The following ASIC2 variants were observed in gnomAD, a reference collection of about 807,000 sequenced individuals.
The protein encoded by ASIC2 is acid sensing ion channel subunit 2.
ASIC2 carries 25 observed loss-of-function variants against 57.3 expected under a neutral mutation model. The ratio of observed to expected loss-of-function variants is 0.44; its 90% CI spans 0.32 to 0.61. ASIC2 has a LOEUF of 0.61. Among genes scored for constraint, ASIC2 ranks in the 20% least tolerant of loss-of-function variants. The pLI is 0.06. For missense variants in ASIC2, 641 were observed against 738.1 expected (o/e 0.87, Z 1.52); for synonymous variants, 319 against 307.5 (o/e 1.04, Z -0.39).
chr17:33,174,284 G>A (rs1374205302), intron 1 of ASIC2, among the ~76,000 whole-genome samples: 1 of 152,014 alleles, frequency 6.6e-6, no homozygotes, highest in Non-Finnish European at 1.5e-5. Context: ...AGCCAGGTGT[G>A]GTGGTGCGTG....
Position 33,266,536 on chromosome 17 carries a change from C to T in ASIC2, c.708+24872G>A, listed in dbSNP as rs368185751. ...TTCTTCTTCTTCAGGAGCTACCTTC[C>T]CATCCCCACCCCCCACCCCCAGTTG... On this transcript the variant is annotated intron_variant, in intron 1 of 9. Coordinates refer to ENST00000225823, the MANE Select transcript of ASIC2 (RefSeq NM_183377.2). Among the ~76,000 whole-genome samples the T allele has an allele frequency of 2.1e-5, 3 of 143,700 alleles. No individual in the cohort carries two copies. In the South Asian group the frequency reaches 7.4e-4, roughly 35 times the overall value. The allele number at this position is 143,700 out of a possible 152,430, so 94.3% of individuals were successfully genotyped here. A position where few individuals can be genotyped will look rare whatever the true frequency, so the allele number is the denominator to read the frequency against.
intron 1 of ASIC2, among the ~76,000 whole-genome samples, chr17:33,965,049 C>A (rs914862961): frequency 2.6e-5 from 4 of 152,164 alleles, no homozygotes; most frequent in African/African-American, 9.7e-5. Context: ...TTTCCATACT[C>A]CTTTTAAAAT....
At chr17:33,022,860 A>G (rs2091842650) in intron 6 of ASIC2, among the ~76,000 whole-genome samples, 1 of 152,264 alleles carries the variant, frequency 6.6e-6, no homozygotes, top group Non-Finnish European at 1.5e-5. Context: ...AAAACACCAG[A>G]GGACTTTGAG....
chr17:33,081,640 G>C (rs1273433196), intron 3 of ASIC2, among the ~76,000 whole-genome samples: 1 of 152,192 alleles, frequency 6.6e-6, no homozygotes, highest in Admixed American at 6.5e-5. Flanking sequence ...GGATCTGGCT[G>C]TCAGATTGAC....
chr17:33,424,026 G>A (rs1458248383), intron 1 of ASIC2, among the ~76,000 whole-genome samples: 2 of 152,198 alleles, frequency 1.3e-5, no homozygotes, highest in Admixed American at 6.5e-5. Flanking sequence ...GTTTGATGCT[G>A]CTGGTTCTGC....
At position 33,964,966 on chromosome 17, in the gene ASIC2, G is replaced by A. The variant is rs575622771; in HGVS notation, c.555+191012C>T. Among the ~76,000 whole-genome samples the A allele has an allele frequency of 1.2e-3, 182 of 152,212 alleles. 1 individual carries two copies. The highest frequency in any genetic ancestry group is 2.1e-3 in the Non-Finnish European group (145 of 68,012). On this transcript the variant is annotated intron_variant, in intron 1 of 9. Coordinates refer to the ASIC2 transcript ENST00000359872. Reference sequence around the variant, plus strand: ...TTGGCTAACAGGACAAAGTGCTCACGGACCTCATCCCTACACTGGTGGCTG... The same window carrying A: ...TTGGCTAACAGGACAAAGTGCTCACAGACCTCATCCCTACACTGGTGGCTG...
intron 2 of ASIC2, among the ~76,000 whole-genome samples, chr17:33,098,973 C>CA (rs984645652): frequency 2.0e-5 from 3 of 148,616 alleles, no homozygotes; most frequent in East Asian, 2.0e-4. Context: ...AATATATAAA[C>CA]AAAAAATATA....
intron 1 of ASIC2, among the ~76,000 whole-genome samples, chr17:33,401,884 C>G (rs868114645): frequency 2.0e-5 from 3 of 152,026 alleles, no homozygotes; most frequent in Admixed American, 6.6e-5. Context: ...TTAAGTTATG[C>G]GAGGTCTCTC....
At chr17:33,509,199 G>T (rs1914356470) in intron 1 of ASIC2, among the ~76,000 whole-genome samples, 3 of 152,156 alleles carry the variant, frequency 2.0e-5, no homozygotes, top group Admixed American at 2.0e-4. Context: ...GGCGGGACAG[G>T]ATGCTGGGGT....
intron 1 of ASIC2, among the ~76,000 whole-genome samples, chr17:33,629,731 A>G (rs1260524288): frequency 6.6e-6 from 1 of 152,174 alleles, no homozygotes; most frequent in Non-Finnish European, 1.5e-5. Flanking sequence ...TTGAAAAGTG[A>G]TAGAGGTGCT....
Position 33,112,049 on chromosome 17 carries a change from TC to T in ASIC2, c.726del (p.Lys243SerfsTer53). 6.2e-7 allele frequency: 1 copy of T among 1,613,522 alleles called. No homozygotes were observed. The highest frequency in any genetic ancestry group is 8.5e-7 in the Non-Finnish European group (1 of 1,179,788). On this transcript the variant is annotated frameshift_variant, in exon 2 of 10. Transcript: ENST00000225823. LOFTEE classifies it high-confidence loss of function. ...HNFSSVFTKY[G>X]KCYMFNSGED... ...TCGCCTGAGTTAAACATGTAACACT[TC>T]CCATATTTTGTAAACACCTGAAGGA... is the stretch of plus-strand genomic sequence containing the variant.
At chr17:33,650,596 T>C (rs1330755241) in intron 1 of ASIC2, among the ~76,000 whole-genome samples, 2 of 152,140 alleles carry the variant, frequency 1.3e-5, no homozygotes, top group African/African-American at 4.8e-5. Context: ...GAATGGATGG[T>C]TAAACAAATT....
At chr17:33,256,532 T>G in intron 1 of ASIC2, among the ~76,000 whole-genome samples, 1 of 152,176 alleles carries the variant, frequency 6.6e-6, no homozygotes, top group East Asian at 1.9e-4. Context: ...TAAAAAATTT[T>G]ACTGTAGGGC....
intron 4 of ASIC2, among the ~76,000 whole-genome samples, chr17:33,026,285 G>A (rs2091859069): frequency 6.6e-6 from 1 of 152,032 alleles, no homozygotes; most frequent in Non-Finnish European, 1.5e-5. Context: ...TGGGTGACAG[G>A]TGGGCTCACC....
chr17:33,803,405 C>T (rs779555134), intron 1 of ASIC2, among the ~76,000 whole-genome samples: 84 of 152,094 alleles, frequency 5.5e-4, no homozygotes, highest in Non-Finnish European at 1.1e-3. Context: ...ATTTCCACAT[C>T]CCAGATTTTC....
intron 1 of ASIC2, among the ~76,000 whole-genome samples, chr17:33,114,010 T>G (rs1461555787): frequency 1.3e-5 from 2 of 152,220 alleles, no homozygotes; most frequent in Non-Finnish European, 2.9e-5. Flanking sequence ...ATATTCCTAC[T>G]ATGTGCAAGG....
intron 1 of ASIC2, among the ~76,000 whole-genome samples, chr17:33,153,087 T>C (rs1904864896): frequency 6.6e-6 from 1 of 152,170 alleles, no homozygotes; most frequent in South Asian, 2.1e-4. Flanking sequence ...AAGCTCTTTA[T>C]TATGCGTAAC....
At chr17:33,723,849 AT>A in intron 1 of ASIC2, among the ~76,000 whole-genome samples, 1 of 152,330 alleles carries the variant, frequency 6.6e-6, no homozygotes, top group South Asian at 2.1e-4. Context: ...AGATTCATGC[AT>A]TTTAATGTGT....
chr17:33,194,797 C>T (rs971512851), intron 1 of ASIC2, among the ~76,000 whole-genome samples: 16 of 152,148 alleles, frequency 1.1e-4, no homozygotes, highest in Non-Finnish European at 1.6e-4. Context: ...ATTGTTCTGA[C>T]GCTAAGACAC....
Sources: allele counts gnomAD v4.1 joint callset (sites outside exome capture counted in the v4.1 genomes callset), GRCh38; gene constraint gnomAD v4.1.1; transcripts MANE v1.5; gene names NCBI Gene and HGNC (gene_info 2026-07-23, HGNC 2026-07-21).